Variants in RNF24 observed in about 807,000 individuals in gnomAD.
RNF24 encodes the protein ring finger protein 24.
A neutral mutation model predicts 20.0 loss-of-function variants in RNF24; 14 were observed. That is an observed-to-expected ratio of 0.70 (90% CI 0.46 to 1.10). The LOEUF (loss-of-function observed/expected upper bound fraction) is 1.10. RNF24 is among the 50% of genes least tolerant of loss of function. The probability of loss-of-function intolerance (pLI) is 0.00; values close to 1 mark genes in which losing one functional copy is unlikely to be tolerated. For synonymous variants in RNF24, 45 were observed against 61.1 expected (o/e 0.74, Z 1.23); for missense variants, 124 against 177.6 (o/e 0.70, Z 1.71).
At chr20:3,984,635 G>T (rs1477953688) in intron 1 of RNF24, among the ~76,000 whole-genome samples, 2 of 152,188 alleles carry the variant, frequency 1.3e-5, no homozygotes, top group African/African-American at 4.8e-5. Context: ...AGAGATCAGG[G>T]TTCAAAAATC....
intron 1 of RNF24, among the ~76,000 whole-genome samples, chr20:3,987,997 G>A (rs1980078190): frequency 6.6e-6 from 1 of 152,022 alleles, no homozygotes. Flanking sequence ...TTCAGCAGCA[G>A]CAGCAGCTTA....
intron 3 of RNF24, among the ~76,000 whole-genome samples, chr20:3,946,453 T>TCAAAACAAAA (rs750605323): frequency 6.8e-6 from 1 of 147,230 alleles, no homozygotes; most frequent in Non-Finnish European, 1.5e-5. Flanking sequence ...AGACCCTGTC[T>TCAAAACAAAA]CAAAACAAAA....
At position 3,928,447 on chromosome 20, in the gene RNF24, A is replaced by G. The variant is rs1399992084; in HGVS notation, c.*5616T>C. ...AGCTCTAACTTTCATCAGCGGGGAC[A>G]AAAATGAACTTAAACTAAAAAAATT... On this transcript the variant is annotated 3_prime_UTR_variant, in exon 6 of 6. Coordinates refer to ENST00000358395, the MANE Select transcript of RNF24 (RefSeq NM_001134337.3). 6.6e-6 allele frequency: 1 copy of G among 152,198 alleles called. No homozygotes were observed. The highest frequency in any genetic ancestry group is 1.5e-5 in the Non-Finnish European group (1 of 68,066). 9.4% of individuals were successfully genotyped at this position (152,198 alleles called of 1,614,324 possible).
In RNF24 at chr20:3,932,866, C is replaced by T. The variant is rs1040481147; in HGVS notation, c.*1197G>A. 9 of 398,296 alleles carry T rather than the reference C, an allele frequency of 2.3e-5. No individual in the cohort carries two copies. The highest frequency in any genetic ancestry group is 1.8e-4 in the Admixed American group (4 of 22,694). 24.7% of individuals were successfully genotyped at this position (398,296 alleles called of 1,614,324 possible). A position where few individuals can be genotyped will look rare whatever the true frequency, so the allele number is the denominator to read the frequency against. ...TCTAGAAAAGTTGGACAGAAAGAGC[C>T]AAAGAGCAGCATGCGTTTCTCTCCT... On this transcript the variant is annotated 3_prime_UTR_variant, in exon 6 of 6. Coordinates refer to ENST00000358395, the MANE Select transcript of RNF24 (RefSeq NM_001134337.3).
At chr20:4,005,051 A>G (rs1453580276) in intron 1 of RNF24, among the ~76,000 whole-genome samples, 1 of 152,194 alleles carries the variant, frequency 6.6e-6, no homozygotes, top group Non-Finnish European at 1.5e-5. Flanking sequence ...TGAATAGTAA[A>G]GAGACTGTAT....
At chr20:3,983,728 G>A (rs578173107) in intron 1 of RNF24, among the ~76,000 whole-genome samples, 153 of 151,840 alleles carry the variant, frequency 1.0e-3, no homozygotes, top group Non-Finnish European at 1.7e-3. Context: ...ATCACCTGAG[G>A]TCAGATGTTT....
At chr20:3,955,866 T>TA (rs2091136137) in intron 2 of RNF24, among the ~76,000 whole-genome samples, 1 of 152,198 alleles carries the variant, frequency 6.6e-6, no homozygotes. Context: ...CTTTATTCCT[T>TA]AAAATTTTAT....
At chr20:4,014,441 C>A (rs1423590067) in intron 1 of RNF24, among the ~76,000 whole-genome samples, 2 of 152,028 alleles carry the variant, frequency 1.3e-5, no homozygotes, top group Non-Finnish European at 2.9e-5. Flanking sequence ...TGAACTAAAC[C>A]CAGAAAGCAG....
intron 1 of RNF24, among the ~76,000 whole-genome samples, chr20:4,003,945 A>G (rs1981635705): frequency 6.6e-6 from 1 of 152,106 alleles, no homozygotes; most frequent in African/African-American, 2.4e-5. Flanking sequence ...ACGCCTGGCC[A>G]GAAACTCTTA....
At chr20:3,947,394 G>A (rs2091031770) in intron 3 of RNF24, among the ~76,000 whole-genome samples, 1 of 152,120 alleles carries the variant, frequency 6.6e-6, no homozygotes, top group Admixed American at 6.6e-5. Context: ...AATTTTACTT[G>A]GCCTTTGAGA....
Position 3,932,225 on chromosome 20 carries a change from T to C in RNF24, c.*1838A>G, listed in dbSNP as rs2090833184. 6.6e-6 allele frequency: 1 copy of C among 152,134 alleles called. No individual in the cohort carries two copies. The highest frequency in any genetic ancestry group is 2.4e-5 in the African/African-American group (1 of 41,420). The allele number at this position is 152,134 out of a possible 1,614,324, so 9.4% of individuals were successfully genotyped here. A position where few individuals can be genotyped will look rare whatever the true frequency, so the allele number is the denominator to read the frequency against. ...TGAAAACAGCTCACTATAAACGGGG[T>C]GTTTTGTGGCATTCAACTCTGTTGT... is the stretch of plus-strand genomic sequence containing the variant. On this transcript the variant is annotated 3_prime_UTR_variant, in exon 6 of 6. Coordinates refer to ENST00000358395, the MANE Select transcript of RNF24 (RefSeq NM_001134337.3).
At chr20:3,957,508 C>T (rs1189607381) in intron 2 of RNF24, among the ~76,000 whole-genome samples, 1 of 151,016 alleles carries the variant, frequency 6.6e-6, no homozygotes, top group African/African-American at 2.4e-5. Flanking sequence ...AAAATGAATT[C>T]CATTAGAAGT....
chr20:3,941,627 C>A (rs748906028), intron 4 of RNF24, among the ~76,000 whole-genome samples: 2 of 151,990 alleles, frequency 1.3e-5, no homozygotes, highest in Non-Finnish European at 2.9e-5. Context: ...AAATGGTAAA[C>A]CTAATTCTAA....
intron 4 of RNF24, among the ~76,000 whole-genome samples, chr20:3,943,955 A>G (rs1380917089): frequency 4.6e-5 from 7 of 152,196 alleles, no homozygotes; most frequent in African/African-American, 1.4e-4. Flanking sequence ...CACGCTTGTA[A>G]TCCCAGCACT....
intron 1 of RNF24, among the ~76,000 whole-genome samples, chr20:3,969,053 T>C (rs1361543526): frequency 1.3e-5 from 2 of 152,170 alleles, no homozygotes. Context: ...ATCTTTTCTA[T>C]GTCTCGGTTT....
At chr20:3,957,486 T>TA (rs1489515322) in intron 2 of RNF24, among the ~76,000 whole-genome samples, 1 of 150,314 alleles carries the variant, frequency 6.7e-6, no homozygotes, top group Non-Finnish European at 1.5e-5. Flanking sequence ...ATAATAAAAA[T>TA]AAAAAATAAA....
intron 1 of RNF24, among the ~76,000 whole-genome samples, chr20:3,998,979 C>G (rs952548179): frequency 6.6e-6 from 1 of 151,924 alleles, no homozygotes; most frequent in Non-Finnish European, 1.5e-5. Flanking sequence ...ACTCAGGAGG[C>G]TGAGGCAGAA....
At chr20:3,993,912 G>A (rs1392094459) in intron 1 of RNF24, among the ~76,000 whole-genome samples, 1 of 152,136 alleles carries the variant, frequency 6.6e-6, no homozygotes, top group Non-Finnish European at 1.5e-5. Context: ...TTCCCCAAAT[G>A]TTAAAATCTT....
intron 1 of RNF24, among the ~76,000 whole-genome samples, chr20:3,999,023 T>C (rs1981161560): frequency 6.6e-6 from 1 of 152,110 alleles, no homozygotes; most frequent in Non-Finnish European, 1.5e-5. Context: ...GGGGTTGCAG[T>C]GAGCCAAGAT....
Sources: allele counts gnomAD v4.1 joint callset (sites outside exome capture counted in the v4.1 genomes callset), GRCh38; gene constraint gnomAD v4.1.1; transcripts MANE v1.5; gene names NCBI Gene and HGNC (gene_info 2026-07-23, HGNC 2026-07-21).